Variants in CNTN3 observed in about 807,000 individuals in gnomAD.
The protein encoded by CNTN3 is contactin 3, also known as contactin-3.
CNTN3 carries 60 observed loss-of-function variants against 119.1 expected under a neutral mutation model. That is an observed-to-expected ratio of 0.50 (90% CI 0.41 to 0.62). The LOEUF (loss-of-function observed/expected upper bound fraction) is 0.62. Ranked by LOEUF, CNTN3 falls within the 20% of genes least tolerant of loss-of-function variation. CNTN3 has a pLI of 0.00. For synonymous variants in CNTN3, 450 were observed against 438.7 expected (o/e 1.03, Z -0.32); for missense variants, 1,101 against 1,242.4 (o/e 0.89, Z 1.71).
intron 4 of CNTN3, among the ~76,000 whole-genome samples, chr3:74,482,787 A>T (rs1373578653): frequency 1.3e-5 from 2 of 152,162 alleles, no homozygotes; most frequent in Non-Finnish European, 2.9e-5. Context: ...GACAGTTAAG[A>T]TTCCTCTGAA....
At chr3:74,322,087 G>A (rs1224183910) in intron 13 of CNTN3, among the ~76,000 whole-genome samples, 1 of 150,908 alleles carries the variant, frequency 6.6e-6, no homozygotes, top group Non-Finnish European at 1.5e-5. Flanking sequence ...TTGGGGAGCT[G>A]AGGCAGGAGA....
intron 5 of CNTN3, among the ~76,000 whole-genome samples, chr3:74,414,010 A>T (rs548964618): frequency 1.0e-3 from 155 of 152,260 alleles, no homozygotes; most frequent in African/African-American, 3.1e-3. Flanking sequence ...GAGGATCAAA[A>T]GCTATAAAAC....
rs1265975324 is a variant in CNTN3, at chr3:74,369,259, T to A, written c.876A>T (p.Ala292=). ...TCTCAGCAATGCATTCATAGGAACC[T>A]GCATCTTCCTGTTGGAAGTTGGGGA... The part of the protein sequence containing the change: ...LEIPNFQQED[A]GSYECIAENS... The change falls in exon 8 of 23, where the codon GCA becomes GCT. Residue 292 remains alanine, a synonymous_variant. Transcript: ENST00000263665. The A allele has an allele frequency of 1.2e-6, 2 of 1,611,502 alleles. No individual in the cohort carries two copies. Among genetic ancestry groups the A allele is most frequent in the African/African-American group, 2.7e-5 (2 of 74,838 alleles).
At chr3:74,511,236 T>G (rs1703358272) in intron 2 of CNTN3, among the ~76,000 whole-genome samples, 1 of 152,122 alleles carries the variant, frequency 6.6e-6, no homozygotes, top group South Asian at 2.1e-4. Context: ...AATTCAGCAG[T>G]TCCATATTGA....
intron 1 of CNTN3, among the ~76,000 whole-genome samples, chr3:74,606,814 C>A (rs1283797803): frequency 6.6e-6 from 1 of 152,056 alleles, no homozygotes. Flanking sequence ...TATATTAAGA[C>A]CCTTTTGTTC....
At chr3:74,429,881 A>G (rs768992391) in intron 4 of CNTN3, among the ~76,000 whole-genome samples, 10 of 152,196 alleles carry the variant, frequency 6.6e-5, no homozygotes, top group Non-Finnish European at 2.9e-5. Flanking sequence ...ACCTGAAAAG[A>G]TGTTCAACAT....
chr3:74,482,543 G>C (rs11128390), intron 4 of CNTN3, among the ~76,000 whole-genome samples: 146,378 of 152,152 alleles, frequency 0.96, 70,666 homozygotes, highest in East Asian at 1. Context: ...CATTAAGATA[G>C]AATCTCTTTA....
intron 17 of CNTN3, among the ~76,000 whole-genome samples, 176 bp downstream of exon 17, chr3:74,299,692 C>T (rs1302526340): frequency 2.0e-5 from 3 of 152,252 alleles, no homozygotes; most frequent in South Asian, 4.2e-4. Context: ...CCACCAGCCC[C>T]ACTACCACTA....
chr3:74,324,172 A>G (rs556780830), intron 13 of CNTN3, among the ~76,000 whole-genome samples: 64 of 152,038 alleles, frequency 4.2e-4, no homozygotes, highest in African/African-American at 1.5e-3. Context: ...TAAGATATTA[A>G]TAACACAGAT....
At chr3:74,496,164 T>C (rs1575782427) in intron 3 of CNTN3, among the ~76,000 whole-genome samples, 1 of 152,048 alleles carries the variant, frequency 6.6e-6, no homozygotes, top group Non-Finnish European at 1.5e-5. Context: ...AACCTCTAAG[T>C]CTTGAGCTAG....
chr3:74,416,480 G>C (rs1174338116), intron 5 of CNTN3, among the ~76,000 whole-genome samples: 1 of 152,138 alleles, frequency 6.6e-6, no homozygotes, highest in Non-Finnish European at 1.5e-5. Flanking sequence ...AAGCAGTCTA[G>C]CTCTAGGTGC....
chr3:74,306,779 C>A (rs191291409), intron 13 of CNTN3, among the ~76,000 whole-genome samples: 3 of 152,152 alleles, frequency 2.0e-5, no homozygotes, highest in Admixed American at 2.0e-4. Context: ...TTTCAAAGCA[C>A]CACTTATTAA....
chr3:74,537,281 A>G (rs1455590122), intron 1 of CNTN3, among the ~76,000 whole-genome samples: 1 of 152,114 alleles, frequency 6.6e-6, no homozygotes, highest in Non-Finnish European at 1.5e-5. Flanking sequence ...ACTCAAAACA[A>G]TATGTGTTGA....
chr3:74,326,415 C>A (rs1175421344), intron 13 of CNTN3, among the ~76,000 whole-genome samples: 1 of 151,980 alleles, frequency 6.6e-6, no homozygotes, highest in African/African-American at 2.4e-5. Flanking sequence ...ATATAATAAT[C>A]AAAATAGAAT....
At chr3:74,614,191 C>T (rs1458369499) in intron 1 of CNTN3, among the ~76,000 whole-genome samples, 200 bp downstream of exon 1, 1 of 152,206 alleles carries the variant, frequency 6.6e-6, no homozygotes, top group Non-Finnish European at 1.5e-5. Flanking sequence ...AACCAATCCT[C>T]GCCCCAGAAG....
At chr3:74,357,280 C>A (rs1703958984) in intron 11 of CNTN3, among the ~76,000 whole-genome samples, 1 of 149,824 alleles carries the variant, frequency 6.7e-6, no homozygotes. Context: ...TCAGTTTATC[C>A]AATTATTATT....
At chr3:74,523,109 CTCAA>C (rs1703566988) in intron 1 of CNTN3, among the ~76,000 whole-genome samples, 1 of 151,316 alleles carries the variant, frequency 6.6e-6, no homozygotes, top group African/African-American at 2.4e-5. Context: ...CTTCCTTCTG[CTCAA>C]TCAATGACAT....
intron 1 of CNTN3, among the ~76,000 whole-genome samples, chr3:74,548,581 GT>G (rs1336914372): frequency 6.7e-6 from 1 of 149,480 alleles, no homozygotes; most frequent in Non-Finnish European, 1.5e-5. Context: ...TAATATTTTG[GT>G]TAGAATTTTT....
At chr3:74,427,567 T>C (rs1375758611) in intron 4 of CNTN3, among the ~76,000 whole-genome samples, 1 of 152,178 alleles carries the variant, frequency 6.6e-6, no homozygotes, top group African/African-American at 2.4e-5. Flanking sequence ...AGTCAAGCTA[T>C]ATATAGTCCA....
Sources: gnomAD v4.1 joint callset for allele counts (sites outside exome capture counted in the v4.1 genomes callset) on GRCh38, gnomAD v4.1.1 for gene constraint, MANE v1.5 for transcripts, NCBI Gene and HGNC (gene_info 2026-07-23, HGNC 2026-07-21) for gene names.